Variants in AFF2 observed in about 807,000 individuals in gnomAD.
The protein encoded by AFF2 is AF4/FMR2 family member 2.
A neutral mutation model predicts 76.9 loss-of-function variants in AFF2; 14 were observed. That is an observed-to-expected ratio of 0.18 (90% CI 0.12 to 0.28). The LOEUF is 0.28. AFF2 is among the 10% of genes least tolerant of loss of function. The pLI is 1.00. For missense variants in AFF2, 868 were observed against 1,001.1 expected (o/e 0.87, Z 1.79); for synonymous variants, 398 against 366.7 (o/e 1.09, Z -0.98).
intron 3 of AFF2, among the ~76,000 whole-genome samples, chrX:148,766,386 T>A (rs2069517165): frequency 9.1e-6 from 1 of 110,214 alleles, no homozygotes; most frequent in African/African-American, 3.3e-5. Context: ...GACTTTTTAA[T>A]GATCGCCATT....
intron 1 of AFF2, among the ~76,000 whole-genome samples, chrX:148,587,775 C>A (rs1456189332): frequency 8.9e-6 from 1 of 112,307 alleles, no homozygotes; most frequent in African/African-American, 3.2e-5. Flanking sequence ...ACTGAGAAAG[C>A]ATATTTATTG....
At chrX:148,756,371 C>T (rs1177128909) in intron 3 of AFF2, among the ~76,000 whole-genome samples, 1 of 112,315 alleles carries the variant, frequency 8.9e-6, no homozygotes, top group Non-Finnish European at 1.9e-5. Context: ...GTACCTTGAA[C>T]TGGGAATGAT....
intron 4 of AFF2, among the ~76,000 whole-genome samples, chrX:148,810,375 G>A: frequency 8.9e-6 from 1 of 112,220 alleles, no homozygotes; most frequent in Non-Finnish European, 1.9e-5. Context: ...GAAAATGATG[G>A]CATGTTGTGG....
chrX:148,838,663 A>G (rs2070558996), intron 5 of AFF2, among the ~76,000 whole-genome samples: 1 of 111,730 alleles, frequency 9.0e-6, no homozygotes, highest in Admixed American at 9.5e-5. Context: ...GCATGGTGAT[A>G]TAAGGTCTCA....
At chrX:148,776,244 T>G (rs782059652) in intron 3 of AFF2, among the ~76,000 whole-genome samples, 2 of 112,434 alleles carry the variant, frequency 1.8e-5, no homozygotes, top group Non-Finnish European at 3.8e-5. Flanking sequence ...CACATTTTCT[T>G]TATCCAATCT....
intron 7 of AFF2, among the ~76,000 whole-genome samples, chrX:148,872,498 A>G (rs1384046842): frequency 1.8e-5 from 2 of 112,334 alleles, no homozygotes; most frequent in Non-Finnish European, 3.8e-5. Context: ...TCATGGATCT[A>G]TCACATCATG....
rs188116862 is a variant in AFF2, at chrX:148,602,021, C to G, written c.48-49978C>G. ...ACTGTTATGAATTAAAAAGCCTTGGCTACTAGAGTAAGGATGCATGGGGTA... is the reference window on the plus strand; with the variant it reads ...ACTGTTATGAATTAAAAAGCCTTGGGTACTAGAGTAAGGATGCATGGGGTA... On this transcript the variant is annotated intron_variant, in intron 1 of 20. Transcript: ENST00000370460. Among the ~76,000 whole-genome samples the G allele has an allele frequency of 1.2e-3, 136 of 111,995 alleles. 1 individual carries two copies. The highest frequency in any genetic ancestry group is 4.2e-3 in the African/African-American group (131 of 30,894).
chrX:148,821,225 A>T (rs782070599), intron 4 of AFF2, among the ~76,000 whole-genome samples: 37 of 111,610 alleles, frequency 3.3e-4, no homozygotes, highest in Non-Finnish European at 6.0e-4. Context: ...TCTCAGAATT[A>T]TAGGGACAAT....
intron 9 of AFF2, among the ~76,000 whole-genome samples, chrX:148,918,771 C>G (rs2071560067): frequency 8.9e-6 from 1 of 111,871 alleles, no homozygotes; most frequent in Non-Finnish European, 1.9e-5. Flanking sequence ...AGGACAGATA[C>G]TCAAAAGCTG....
chrX:148,593,985 G>T (rs1376631361), intron 1 of AFF2, among the ~76,000 whole-genome samples: 2 of 111,310 alleles, frequency 1.8e-5, no homozygotes, highest in African/African-American at 6.5e-5. Flanking sequence ...TTCTTCACAG[G>T]GATATGAACT....
intron 18 of AFF2, among the ~76,000 whole-genome samples, chrX:148,979,764 A>G (rs1557290669): frequency 1.8e-5 from 2 of 112,416 alleles, no homozygotes; most frequent in Non-Finnish European, 3.8e-5. Flanking sequence ...AGCCTTCTTG[A>G]GATTAAAAAC....
intron 1 of AFF2, among the ~76,000 whole-genome samples, chrX:148,503,940 TTAATA>T (rs1485615511): frequency 2.7e-5 from 3 of 111,957 alleles, no homozygotes; most frequent in South Asian, 7.5e-4. Context: ...GAGTCTGAAT[TTAATA>T]TAAACCATTC....
Position 148,684,871 on chromosome X carries a change from G to T in AFF2, c.1041+22103G>T, listed in dbSNP as rs782012276. Among the ~76,000 whole-genome samples, 3 of 112,194 alleles carry T rather than the reference G, an allele frequency of 2.7e-5. No homozygotes were observed. The South Asian group carries it at 1.1e-3, about 41-fold the overall frequency. Reference sequence around the variant, plus strand: ...ACTAACATTGCCATATTTTAACTTTGGGATTGTTATAACTTGTTTTTTCAC... The same window carrying T: ...ACTAACATTGCCATATTTTAACTTTTGGATTGTTATAACTTGTTTTTTCAC... On this transcript the variant is annotated intron_variant, in intron 3 of 20. Coordinates refer to ENST00000370460, the MANE Select transcript of AFF2 (RefSeq NM_002025.4).
chrX:148,574,546 G>A (rs1557243064), intron 1 of AFF2, among the ~76,000 whole-genome samples: 1 of 111,482 alleles, frequency 9.0e-6, no homozygotes, highest in Non-Finnish European at 1.9e-5. Flanking sequence ...TCATTCTGTA[G>A]CACAGCAAAT....
intron 3 of AFF2, among the ~76,000 whole-genome samples, chrX:148,801,096 C>T (rs1326420888): frequency 4.5e-5 from 5 of 111,819 alleles, no homozygotes; most frequent in African/African-American, 6.5e-5. Flanking sequence ...GGAGTCACTA[C>T]GGTGGAGTCC....
chrX:148,991,039 T>C (rs1315093981), intron 20 of AFF2, among the ~76,000 whole-genome samples, 172 bp from the exon 21 acceptor site: 1 of 112,178 alleles, frequency 8.9e-6, no homozygotes, highest in Non-Finnish European at 1.9e-5. Context: ...TTGTGGAGTT[T>C]TGGTCTCCTA....
At chrX:148,890,808 A>G (rs933453745) in intron 8 of AFF2, among the ~76,000 whole-genome samples, 1 of 112,216 alleles carries the variant, frequency 8.9e-6, no homozygotes, top group Admixed American at 9.5e-5. Flanking sequence ...CTAGGATGCT[A>G]TACTCACCTT....
chrX:148,652,247 G>A (rs1006965578), intron 2 of AFF2, 116 bp downstream of exon 2: 3 of 595,389 alleles, frequency 5.0e-6, no homozygotes, highest in Non-Finnish European at 5.3e-6. Context: ...TATTTTACAA[G>A]TGAAATTTGT....
At chrX:148,966,091 A>G (rs2072168514) in intron 13 of AFF2, among the ~76,000 whole-genome samples, 1 of 111,744 alleles carries the variant, frequency 8.9e-6, no homozygotes, top group Admixed American at 9.5e-5. Flanking sequence ...CCTTGTAAGT[A>G]TCTTACCCAT....
Sources: gnomAD v4.1 joint callset for allele counts (sites outside exome capture counted in the v4.1 genomes callset) on GRCh38, gnomAD v4.1.1 for gene constraint, MANE v1.5 for transcripts, NCBI Gene and HGNC (gene_info 2026-07-23, HGNC 2026-07-21) for gene names.